The following TTBK2 variants were observed in gnomAD, a reference collection of about 807,000 sequenced individuals.
TTBK2 encodes tau tubulin kinase 2.
Under a neutral mutation model 110.8 loss-of-function variants are expected in TTBK2, and 28 were observed. That is an observed-to-expected ratio of 0.25 (90% CI 0.19 to 0.35). TTBK2 has a LOEUF of 0.35. Ranked by LOEUF, TTBK2 falls within the 10% of genes least tolerant of loss-of-function variation. The probability of loss-of-function intolerance (pLI) is 1.00; values close to 1 mark genes in which losing one functional copy is unlikely to be tolerated. For synonymous variants in TTBK2, 532 were observed against 527.3 expected (o/e 1.01, Z -0.12); for missense variants, 1,369 against 1,500.3 (o/e 0.91, Z 1.45).
At chr15:42,873,529 G>A (rs1894696423) in intron 2 of TTBK2, among the ~76,000 whole-genome samples, 1 of 152,054 alleles carries the variant, frequency 6.6e-6, no homozygotes, top group Admixed American at 6.6e-5. Context: ...CCACAGAGCA[G>A]GCAGAGAACT....
At chr15:42,796,457 T>C (rs753149909) in intron 9 of TTBK2, among the ~76,000 whole-genome samples, 1 of 151,948 alleles carries the variant, frequency 6.6e-6, no homozygotes, top group South Asian at 2.1e-4. Flanking sequence ...GCTGGTATTA[T>C]TGAGGAAGAA....
intron 14 of TTBK2, among the ~76,000 whole-genome samples, chr15:42,748,277 C>T (rs1314411856): frequency 1.3e-5 from 2 of 151,856 alleles, no homozygotes; most frequent in Admixed American, 6.6e-5. Flanking sequence ...GCCAACATGG[C>T]GAAACCCCAT....
At chr15:42,842,575 T>G (rs952502408) in intron 3 of TTBK2, among the ~76,000 whole-genome samples, 3 of 152,024 alleles carry the variant, frequency 2.0e-5, no homozygotes, top group African/African-American at 7.2e-5. Context: ...CTAACTGACT[T>G]AAAACATAAA....
intron 13 of TTBK2, among the ~76,000 whole-genome samples, chr15:42,764,610 C>T (rs1337209586): frequency 2.0e-5 from 3 of 152,260 alleles, no homozygotes; most frequent in Admixed American, 6.5e-5. Flanking sequence ...CAGGGAAGCT[C>T]GAACTGGGCA....
chr15:42,815,958 A>ATATATATATATATAT lies in TTBK2; in HGVS notation c.603+1073_603+1074insATATATATATATATA, dbSNP rs1555427627. On this transcript the variant is annotated intron_variant, in intron 7 of 14. Transcript: ENST00000267890. ...TATATATATATATATTTAAAAAAAA[A>ATATATATATATATAT]ATATATATATATATATATATTTGAG... is the stretch of plus-strand genomic sequence containing the variant. Among the ~76,000 whole-genome samples the ATATATATATATATAT allele has an allele frequency of 2.6e-3, 235 of 91,686 alleles. 4 individuals carry two copies. The highest frequency in any genetic ancestry group is 7.6e-3 in the South Asian group (22 of 2,902). 60.1% of individuals were successfully genotyped at this position (91,686 alleles called of 152,430 possible).
chr15:42,913,073 C>G (rs1285543303), intron 1 of TTBK2, among the ~76,000 whole-genome samples: 1 of 138,338 alleles, frequency 7.2e-6, no homozygotes, highest in Non-Finnish European at 1.5e-5. Context: ...TGCAGTGAGC[C>G]GAGATTGCGC....
chr15:42,902,537 A>G (rs2030110949), intron 1 of TTBK2, among the ~76,000 whole-genome samples: 1 of 152,128 alleles, frequency 6.6e-6, no homozygotes, highest in Non-Finnish European at 1.5e-5. Context: ...ATTAAAAAAA[A>G]ACCACAATGA....
chr15:42,899,338 G>A (rs1440380186), intron 1 of TTBK2, among the ~76,000 whole-genome samples: 1 of 151,664 alleles, frequency 6.6e-6, no homozygotes, highest in Non-Finnish European at 1.5e-5. Flanking sequence ...TCTCACACCT[G>A]TAATCCCAGG....
At chr15:42,904,701 CA>C (rs1203471463) in intron 1 of TTBK2, among the ~76,000 whole-genome samples, 1 of 152,046 alleles carries the variant, frequency 6.6e-6, no homozygotes, top group Non-Finnish European at 1.5e-5. Flanking sequence ...AAATAGCCAA[CA>C]AATTAATAAG....
At chr15:42,782,598 T>G (rs1478590031) in intron 11 of TTBK2, among the ~76,000 whole-genome samples, 1 of 152,228 alleles carries the variant, frequency 6.6e-6, no homozygotes, top group Non-Finnish European at 1.5e-5. Flanking sequence ...GCTTAGTAAA[T>G]TGTCTTCAAT....
chr15:42,885,795 T>C (rs1163065435), intron 1 of TTBK2, among the ~76,000 whole-genome samples: 2 of 152,016 alleles, frequency 1.3e-5, no homozygotes, highest in Admixed American at 6.5e-5. Context: ...CCACCCTCCA[T>C]TCCTCCTTCT....
intron 3 of TTBK2, among the ~76,000 whole-genome samples, chr15:42,872,171 TC>T (rs575831231): frequency 2.8e-4 from 43 of 152,252 alleles, no homozygotes; most frequent in Admixed American, 8.5e-4. Flanking sequence ...CAACATATAA[TC>T]AACAGTATTA....
Position 42,752,906 on chromosome 15 carries a change from T to C in TTBK2, c.2340A>G (p.Lys780=), listed in dbSNP as rs1308975267. 6.2e-7 allele frequency: 1 copy of C among 1,614,224 alleles called. No individual in the cohort carries two copies. The highest frequency in any genetic ancestry group is 1.7e-5 in the Admixed American group (1 of 60,034). Residue 780 remains lysine, a synonymous_variant, in exon 14 of 15, where the codon AAA becomes AAG. Transcript: ENST00000267890. Reference sequence around the variant, plus strand: ...CATTATCTGACTCTAAAAGGATGCTTTTCTCTTCAGTTTCCCCAGGGAGAT... The same window carrying C: ...CATTATCTGACTCTAAAAGGATGCTCTTCTCTTCAGTTTCCCCAGGGAGAT... The part of the protein sequence containing the change: ...FENLPGETEE[K]SILLESDNED...
intron 14 of TTBK2, 67 bp from the exon 15 acceptor site, chr15:42,746,324 GT>G: frequency 1.6e-6 from 2 of 1,231,850 alleles, no homozygotes; most frequent in Non-Finnish European, 2.3e-6. Flanking sequence ...AAGTCACAAT[GT>G]CCCAAAATCA....
chr15:42,875,331 A>C (rs2141124123), intron 2 of TTBK2, among the ~76,000 whole-genome samples: 1 of 152,336 alleles, frequency 6.6e-6, no homozygotes, highest in South Asian at 2.1e-4. Context: ...CACAGATTAC[A>C]AGAAGAATAG....
At chr15:42,879,317 T>C (rs570266239) in intron 1 of TTBK2, among the ~76,000 whole-genome samples, 8 of 152,250 alleles carry the variant, frequency 5.3e-5, no homozygotes, top group African/African-American at 1.7e-4. Flanking sequence ...TCAAGATACA[T>C]TGTTTAGTGA....
chr15:42,751,960 G>A lies in TTBK2; in HGVS notation c.3272+14C>T. 6.2e-7 allele frequency: 1 copy of A among 1,614,014 alleles called. No individual in the cohort carries two copies. The stretch of plus-strand genomic sequence containing the variant: ...GTGTTACACACTTAACACAGGGAGA[G>A]CACACAGCATTACCTGGCTTCTACT... On this transcript the variant is annotated intron_variant, in intron 14 of 14. Coordinates refer to ENST00000267890, the MANE Select transcript of TTBK2 (RefSeq NM_173500.4).
Position 42,752,773 on chromosome 15 carries a change from C to A in TTBK2, c.2473G>T (p.Val825Leu). The A allele has an allele frequency of 6.2e-7, 1 of 1,614,206 alleles. No homozygotes were observed. Among genetic ancestry groups the A allele is most frequent in the Non-Finnish European group, 8.5e-7 (1 of 1,180,036 alleles). ...ACACTAAAAGTCTGTGTTTTTGTCA[C>A]ATCAAGAGGTTCAGTAGTAGCTGAG... ...DHSATTEPLD[V>L]TKTQTFSVVP... Residue 825 changes from valine (V) to leucine (L), a missense_variant, in exon 14 of 15, where the codon GTG becomes TTG. Transcript: ENST00000267890.
chr15:42,821,491 C>T (rs143052819), intron 6 of TTBK2, among the ~76,000 whole-genome samples: 15 of 152,230 alleles, frequency 9.9e-5, no homozygotes, highest in African/African-American at 3.6e-4. Context: ...CATATAACTA[C>T]CATCACAACT....
Sources: gnomAD v4.1 joint callset for allele counts (sites outside exome capture counted in the v4.1 genomes callset) on GRCh38, gnomAD v4.1.1 for gene constraint, MANE v1.5 for transcripts, NCBI Gene and HGNC (gene_info 2026-07-23, HGNC 2026-07-21) for gene names.